Variants in PRR16 observed in about 807,000 individuals in gnomAD.
PRR16 encodes protein Largen.
PRR16 carries 6 observed loss-of-function variants against 18.2 expected under a neutral mutation model. The ratio of observed to expected loss-of-function variants is 0.33; its 90% CI spans 0.18 to 0.65. The LOEUF is 0.65. Ranked by LOEUF, PRR16 falls within the 30% of genes least tolerant of loss-of-function variation. The pLI, the probability that PRR16 is intolerant of heterozygous loss-of-function variation, is 0.74. For synonymous variants in PRR16, 151 were observed against 147.8 expected (o/e 1.02, Z -0.16); for missense variants, 412 against 376.6 (o/e 1.09, Z -0.78).
the PRR16 span, among the ~76,000 whole-genome samples, chr5:120,736,379 G>T: frequency 1.3e-5 from 2 of 151,956 alleles, no homozygotes; most frequent in Admixed American, 1.3e-4. Flanking sequence ...ATTCTCCTGA[G>T]TCAGCCTCCC....
At chr5:120,735,325 G>A in the PRR16 span, among the ~76,000 whole-genome samples, 53 of 152,046 alleles carry the variant, frequency 3.5e-4, no homozygotes, top group African/African-American at 1.2e-3. Context: ...AAGGCTGTGG[G>A]TATGCAAAAA....
At position 120,575,665 on chromosome 5, in the gene PRR16, T is replaced by C. The variant is rs1430675063; in HGVS notation, c.160-110289T>C. 3.3e-5 allele frequency among the ~76,000 whole-genome samples: 5 copies of C among 152,172 alleles called. 1 individual carries two copies. The highest frequency in any genetic ancestry group is 3.3e-4 in the Admixed American group (5 of 15,266). On this transcript the variant is annotated intron_variant, in intron 1 of 1. Coordinates refer to ENST00000407149, the MANE Select transcript of PRR16 (RefSeq NM_001300783.2). ...AAACACCTCAACATAATAAAGGCCATATAGACAAACACAGAGCTACCATCA... is the reference window on the plus strand; with the variant it reads ...AAACACCTCAACATAATAAAGGCCACATAGACAAACACAGAGCTACCATCA...
the PRR16 span, among the ~76,000 whole-genome samples, chr5:120,754,133 C>T: frequency 0.039 from 888 of 22,560 alleles, 9 homozygotes; most frequent in Non-Finnish European, 0.055. Flanking sequence ...AAAAATATTC[C>T]GCTTAATATA....
intron 1 of PRR16, among the ~76,000 whole-genome samples, chr5:120,551,367 G>T (rs914726665): frequency 6.6e-6 from 1 of 152,022 alleles, no homozygotes; most frequent in Admixed American, 6.6e-5. Flanking sequence ...TTTATAGTCA[G>T]ATGAGCTTAA....
the PRR16 span, among the ~76,000 whole-genome samples, chr5:120,705,854 G>GA: frequency 6.6e-6 from 1 of 151,834 alleles, no homozygotes; most frequent in Admixed American, 6.6e-5. Flanking sequence ...GATGTGGATA[G>GA]AAAAAAAATT....
chr5:120,665,651 G>C (rs1053723462), intron 1 of PRR16, among the ~76,000 whole-genome samples: 1 of 152,072 alleles, frequency 6.6e-6, no homozygotes, highest in African/African-American at 2.4e-5. Context: ...GTAAGGAAGG[G>C]ATCCAGTTTC....
intron 1 of PRR16, among the ~76,000 whole-genome samples, chr5:120,568,490 T>G (rs1429736460): frequency 6.6e-6 from 1 of 152,184 alleles, no homozygotes; most frequent in Non-Finnish European, 1.5e-5. Flanking sequence ...AATGACTTTT[T>G]AATGTTCTAT....
At chr5:120,500,311 C>CT (rs925351459) in intron 1 of PRR16, among the ~76,000 whole-genome samples, 48 of 151,922 alleles carry the variant, frequency 3.2e-4, no homozygotes, top group African/African-American at 1.1e-3. Context: ...CTCACCATCT[C>CT]TTTTTTTTGG....
chr5:120,692,062 A>G (rs1049890169), downstream of PRR16, among the ~76,000 whole-genome samples: 1 of 152,216 alleles, frequency 6.6e-6, no homozygotes, highest in Admixed American at 6.5e-5. Flanking sequence ...TAAGTCAGGC[A>G]GTCTGCCTCC....
At chr5:120,671,228 A>G (rs777878501) in intron 1 of PRR16, among the ~76,000 whole-genome samples, 1 of 152,124 alleles carries the variant, frequency 6.6e-6, no homozygotes, top group Non-Finnish European at 1.5e-5. Flanking sequence ...ATTGTGCCTA[A>G]TGTGTTGCCT....
chr5:120,487,422 G>A (rs949761381), intron 1 of PRR16, among the ~76,000 whole-genome samples: 2 of 152,126 alleles, frequency 1.3e-5, no homozygotes, highest in African/African-American at 2.4e-5. Flanking sequence ...GTGAATGGGC[G>A]TTCACTCATG....
chr5:120,669,500 A>G (rs1215366466), intron 1 of PRR16, among the ~76,000 whole-genome samples: 1 of 152,104 alleles, frequency 6.6e-6, no homozygotes, highest in African/African-American at 2.4e-5. Context: ...GGTAGATATT[A>G]CAAATTACTC....
chr5:120,633,551 T>C (rs939126075), intron 1 of PRR16, among the ~76,000 whole-genome samples: 1 of 152,126 alleles, frequency 6.6e-6, no homozygotes, highest in African/African-American at 2.4e-5. Context: ...AAATGGACAC[T>C]GAAAGTGAAT....
At chr5:120,721,696 T>C in the PRR16 span, among the ~76,000 whole-genome samples, 1,765 of 152,128 alleles carry the variant, frequency 0.012, 37 homozygotes, top group African/African-American at 0.039. Flanking sequence ...AGAAAACTAA[T>C]GTGAACTGCC....
chr5:120,714,109 A>G, the PRR16 span, among the ~76,000 whole-genome samples: 1 of 152,098 alleles, frequency 6.6e-6, no homozygotes. Flanking sequence ...TGTGCTTGAT[A>G]TATTTATAAT....
chr5:120,593,352 A>T (rs1753699422), intron 1 of PRR16, among the ~76,000 whole-genome samples: 1 of 152,022 alleles, frequency 6.6e-6, no homozygotes, highest in African/African-American at 2.4e-5. Context: ...ACAAATAATC[A>T]CTAGAGACTA....
intron 1 of PRR16, among the ~76,000 whole-genome samples, chr5:120,521,797 G>A (rs1200505554): frequency 3.3e-5 from 5 of 151,974 alleles, no homozygotes; most frequent in African/African-American, 9.7e-5. Flanking sequence ...CATTAGGTAT[G>A]TCTCCTAATG....
chr5:120,763,947 GA>G, the PRR16 span, among the ~76,000 whole-genome samples: 24 of 152,058 alleles, frequency 1.6e-4, no homozygotes, highest in Admixed American at 1.6e-3. Context: ...TCAGGTCTCA[GA>G]GATTTTTGGT....
At position 120,569,818 on chromosome 5, in the gene PRR16, A is replaced by T. The variant is rs190128207; in HGVS notation, c.159+105173A>T. On this transcript the variant is annotated intron_variant, in intron 1 of 1. Coordinates refer to ENST00000407149, the MANE Select transcript of PRR16 (RefSeq NM_001300783.2). ...CCAGTTAAGTATTTGAAAACAAGGG[A>T]CCTGGCTGGGAACATCTGAGTAAAG... Among the ~76,000 whole-genome samples the T allele has an allele frequency of 2.0e-3, 298 of 152,240 alleles. 2 individuals carry two copies. The highest frequency in any genetic ancestry group is 0.013 in the Admixed American group (191 of 15,272).
Sources: gnomAD v4.1 joint callset for allele counts (sites outside exome capture counted in the v4.1 genomes callset) on GRCh38, gnomAD v4.1.1 for gene constraint, MANE v1.5 for transcripts, NCBI Gene and HGNC (gene_info 2026-07-23, HGNC 2026-07-21) for gene names.